PLCB4: variants seen among roughly 807,000 people sequenced by gnomAD.
PLCB4 encodes phospholipase C beta 4, also known as 1-phosphatidylinositol 4,5-bisphosphate phosphodiesterase beta-4.
In PLCB4, 77 loss-of-function variants were observed where a neutral mutation model predicts 178.8. That is an observed-to-expected ratio of 0.43 (90% CI 0.36 to 0.52). The LOEUF (loss-of-function observed/expected upper bound fraction) is 0.52. Among genes scored for constraint, PLCB4 ranks in the 20% least tolerant of loss-of-function variants. PLCB4 has a pLI of 0.00. For missense variants in PLCB4, 1,024 were observed against 1,453.4 expected, an observed-to-expected ratio of 0.70 and a Z score of 4.80; for synonymous variants, 496 against 490.8, an observed-to-expected ratio of 1.01 and a Z score of -0.14.
At chr20:9,441,590 C>T (rs2042105942) in intron 30 of PLCB4, among the ~76,000 whole-genome samples, 1 of 152,150 alleles carries the variant, frequency 6.6e-6, no homozygotes, top group Non-Finnish European at 1.5e-5. Context: ...GCACCTGGAA[C>T]TTAATGCCCT....
chr20:9,401,671 A>G, intron 20 of PLCB4, 81 bp downstream of exon 20: 1 of 878,004 alleles, frequency 1.1e-6, no homozygotes, highest in South Asian at 1.4e-5. Flanking sequence ...GAACCACAAG[A>G]GAATAAAGTA....
chr20:9,466,877 C>T (rs952036087), intron 35 of PLCB4, among the ~76,000 whole-genome samples: 1 of 152,156 alleles, frequency 6.6e-6, no homozygotes, highest in African/African-American at 2.4e-5. Context: ...GTGGCGATTC[C>T]TCAAGGATCT....
intron 3 of PLCB4, among the ~76,000 whole-genome samples, chr20:9,237,909 G>T (rs1363860485): frequency 3.9e-5 from 6 of 152,106 alleles, no homozygotes; most frequent in African/African-American, 1.4e-4. Context: ...TTGGAACTTT[G>T]GAGACACATC....
At chr20:9,470,752 G>A (rs2044136891) in intron 36 of PLCB4, among the ~76,000 whole-genome samples, 1 of 152,138 alleles carries the variant, frequency 6.6e-6, no homozygotes, top group African/African-American at 2.4e-5. Flanking sequence ...TGTATACAAT[G>A]CCCAGTGATC....
intron 3 of PLCB4, among the ~76,000 whole-genome samples, chr20:9,230,666 T>C (rs780021875): frequency 3.9e-5 from 6 of 152,276 alleles, no homozygotes; most frequent in Middle Eastern, 3.4e-3. Context: ...GGCTCTCTTA[T>C]GGGTCTCTGT....
intron 25 of PLCB4, among the ~76,000 whole-genome samples, chr20:9,412,777 T>G (rs1376696191): frequency 6.6e-6 from 1 of 152,160 alleles, no homozygotes; most frequent in Non-Finnish European, 1.5e-5. Flanking sequence ...CATAGTAATT[T>G]TCCATCTGCT....
chr20:9,445,037 G>T (rs909269183), intron 32 of PLCB4, among the ~76,000 whole-genome samples: 2 of 152,116 alleles, frequency 1.3e-5, no homozygotes, highest in Non-Finnish European at 2.9e-5. Context: ...ATAAGAAGTG[G>T]TATTTTGACA....
Position 9,297,205 on chromosome 20 carries a change from C to T in PLCB4, c.-15-10595C>T, listed in dbSNP as rs547670039. On this transcript the variant is annotated intron_variant, in intron 3 of 39. Transcript: ENST00000378473. The stretch of plus-strand genomic sequence containing the variant: ...ATTTTTTTGCTAAAGGTTGATATAT[C>T]TTGCATGCTATCAAAAAAATTTCTT... 3.9e-5 allele frequency among the ~76,000 whole-genome samples: 6 copies of T among 151,976 alleles called. No individual in the cohort carries two copies. The South Asian group carries it at 6.2e-4, about 16-fold the overall frequency.
intron 4 of PLCB4, among the ~76,000 whole-genome samples, chr20:9,314,162 G>A (rs1338410395): frequency 3.3e-5 from 5 of 152,214 alleles, no homozygotes. Flanking sequence ...TGAAGGCACA[G>A]AGATGGCCAG....
At chr20:9,160,090 G>A (rs1396737096) in intron 2 of PLCB4, among the ~76,000 whole-genome samples, 1 of 152,200 alleles carries the variant, frequency 6.6e-6, no homozygotes, top group African/African-American at 2.4e-5. Flanking sequence ...AGCCAGGACA[G>A]CAGGGTGAGC....
At chr20:9,375,131 C>T (rs918196905) in intron 12 of PLCB4, among the ~76,000 whole-genome samples, 3 of 152,094 alleles carry the variant, frequency 2.0e-5, no homozygotes, top group African/African-American at 7.2e-5. Context: ...CTAGTGAACT[C>T]AACTGGAAGA....
At chr20:9,205,332 C>CACGTTAA (rs1181612118) in intron 2 of PLCB4, among the ~76,000 whole-genome samples, 2 of 152,142 alleles carry the variant, frequency 1.3e-5, no homozygotes, top group Non-Finnish European at 2.9e-5. Context: ...TGGTGTTTGG[C>CACGTTAA]ATGTTAGGTA....
chr20:9,141,869 A>G (rs2092499694), intron 2 of PLCB4, among the ~76,000 whole-genome samples: 1 of 152,100 alleles, frequency 6.6e-6, no homozygotes, highest in South Asian at 2.1e-4. Context: ...CCTAGAAAGT[A>G]GAGGGAGAGG....
chr20:9,223,511 C>G (rs969718816), intron 3 of PLCB4, among the ~76,000 whole-genome samples: 1 of 152,220 alleles, frequency 6.6e-6, no homozygotes, highest in Admixed American at 6.5e-5. Context: ...CAGGTGGCAG[C>G]TGACGCTGGA....
Position 9,478,967 on chromosome 20 carries a change from G to T in PLCB4, c.3579G>T (p.Pro1193=). The T allele has an allele frequency of 6.2e-7, 1 of 1,613,532 alleles. No individual in the cohort carries two copies. Among genetic ancestry groups the T allele is most frequent in the Non-Finnish European group, 8.5e-7 (1 of 1,179,562 alleles). ...ADGEIGSRDG[P]QTSNSSMKLQ... Reference sequence around the variant, plus strand: ...GTGAAATTGGAAGCCGAGATGGACCGCAGACCAGCAACAGTAGTATGAAAC... The same window carrying T: ...GTGAAATTGGAAGCCGAGATGGACCTCAGACCAGCAACAGTAGTATGAAAC... The change falls in exon 40 of 40, where the codon CCG becomes CCT. Residue 1193 remains proline, a synonymous_variant. Coordinates refer to ENST00000378473, the MANE Select transcript of PLCB4 (RefSeq NM_001377142.1).
At chr20:9,350,946 T>G (rs999045609) in intron 7 of PLCB4, among the ~76,000 whole-genome samples, 10 of 152,228 alleles carry the variant, frequency 6.6e-5, no homozygotes, top group South Asian at 4.1e-4. Context: ...GTGATGTTAA[T>G]GTACTTTTTA....
intron 32 of PLCB4, among the ~76,000 whole-genome samples, chr20:9,444,678 C>A (rs1311979223): frequency 6.6e-6 from 1 of 152,084 alleles, no homozygotes; most frequent in Non-Finnish European, 1.5e-5. Flanking sequence ...AGGAGAATCG[C>A]TTTAACCCGG....
At chr20:9,394,250 C>T (rs929832031) in intron 18 of PLCB4, among the ~76,000 whole-genome samples, 1 of 151,976 alleles carries the variant, frequency 6.6e-6, no homozygotes, top group Non-Finnish European at 1.5e-5. Context: ...TCATTTTCCC[C>T]CCAAGTATTC....
At chr20:9,416,136 T>C (rs2040228260) in intron 25 of PLCB4, among the ~76,000 whole-genome samples, 1 of 152,226 alleles carries the variant, frequency 6.6e-6, no homozygotes, top group Non-Finnish European at 1.5e-5. Context: ...GAATTGGATA[T>C]GGGTTTCTTG....
Sources: gnomAD v4.1 joint callset for allele counts (sites outside exome capture counted in the v4.1 genomes callset) on GRCh38, gnomAD v4.1.1 for gene constraint, MANE v1.5 for transcripts, NCBI Gene and HGNC (gene_info 2026-07-23, HGNC 2026-07-21) for gene names.